ARHGEF4: variants seen among roughly 807,000 people sequenced by gnomAD.
ARHGEF4 encodes the protein APC-stimulated guanine nucleotide exchange factor 1.
In ARHGEF4, 119 loss-of-function variants were observed where a neutral mutation model predicts 162.0. That is an observed-to-expected ratio of 0.73 (90% confidence interval 0.63 to 0.86). The LOEUF (loss-of-function observed/expected upper bound fraction) is 0.86, where lower values mean the gene tolerates loss of function less well. Ranked by LOEUF, ARHGEF4 falls within the 40% of genes least tolerant of loss-of-function variation. The probability of loss-of-function intolerance (pLI) is 0.00; values close to 1 mark genes in which losing one functional copy is unlikely to be tolerated. For synonymous variants in ARHGEF4, 1,014 were observed against 979.9 expected (o/e 1.03, Z -0.65); for missense variants, 2,488 against 2,456.0 (o/e 1.01, Z -0.28).
Position 130,915,412 on chromosome 2 carries a change from A to G in ARHGEF4, c.1466A>G (p.Gln489Arg). ...APRAADERET[Q>R]KHLWGISVQA... Reference sequence around the variant, plus strand: ...AGAGCTGCTGATGAGAGAGAGACACAGAAGCACCTCTGGGGCATTTCTGTC... The same window carrying G: ...AGAGCTGCTGATGAGAGAGAGACACGGAAGCACCTCTGGGGCATTTCTGTC... Residue 489 changes from glutamine to arginine, a missense_variant, in exon 2 of 14, where the codon CAG becomes CGG. Around this residue, in one of 6 missense-constraint regions of ARHGEF4, gnomAD observed 1,642 missense variants for 1,481.5 expected, o/e 1.11. Coordinates refer to ENST00000409359, the MANE Select transcript of ARHGEF4 (RefSeq NM_001367493.1). 1 of 1,550,644 alleles carries G rather than the reference A, an allele frequency of 6.4e-7. No homozygotes were observed. Among genetic ancestry groups the G allele is most frequent in the Non-Finnish European group, 8.7e-7 (1 of 1,147,016 alleles).
chr2:130,940,979 A>G (rs1043661993), intron 3 of ARHGEF4, among the ~76,000 whole-genome samples: 8 of 152,118 alleles, frequency 5.3e-5, no homozygotes, highest in Admixed American at 3.3e-4. Context: ...TTCCATGCCA[A>G]TAGATCTTTA....
chr2:131,008,169 A>T (rs1688246422), intron 4 of ARHGEF4, among the ~76,000 whole-genome samples: 2 of 151,956 alleles, frequency 1.3e-5, no homozygotes, highest in African/African-American at 4.8e-5. Flanking sequence ...ATGTACCTTA[A>T]TTTATTTTAG....
intron 5 of ARHGEF4, among the ~76,000 whole-genome samples, chr2:131,034,570 T>A (rs1385772565): frequency 6.6e-6 from 1 of 152,210 alleles, no homozygotes; most frequent in East Asian, 1.9e-4. Context: ...GCAGAATCCC[T>A]AACCTTTCAG....
At chr2:131,039,979 G>A in intron 6 of ARHGEF4, 37 bp from the exon 7 acceptor site, 1 of 1,545,202 alleles carries the variant, frequency 6.5e-7, no homozygotes, top group Non-Finnish European at 8.7e-7. Context: ...TTGCTCCGAG[G>A]GATGCGGGGC....
At chr2:131,043,700 G>A (rs541615345) in intron 11 of ARHGEF4, 117 bp downstream of exon 11, 6 of 1,459,870 alleles carry the variant, frequency 4.1e-6, no homozygotes, top group East Asian at 4.6e-5. Context: ...CGGGGAGCCT[G>A]GCCAGACCCT....
chr2:131,043,444 C>G lies in ARHGEF4; in HGVS notation c.5026-8C>G, dbSNP rs753350952. ...CGAGGCTCATGGTTCTCCTTGGGAT[C>G]TTCCCAGGGAGAAGATCTCTTGGTC... is the stretch of plus-strand genomic sequence containing the variant. On this transcript the variant is annotated splice_polypyrimidine_tract_variant and splice_region_variant and intron_variant, in intron 10 of 13. Coordinates refer to ENST00000409359, the MANE Select transcript of ARHGEF4 (RefSeq NM_001367493.1). The G allele has an allele frequency of 6.2e-7, 1 of 1,613,786 alleles. No individual in the cohort carries two copies. Among genetic ancestry groups the G allele is most frequent in the Non-Finnish European group, 8.5e-7 (1 of 1,179,952 alleles).
intron 4 of ARHGEF4, among the ~76,000 whole-genome samples, chr2:130,959,426 G>A (rs999960306): frequency 1.3e-5 from 2 of 152,162 alleles, no homozygotes; most frequent in African/African-American, 2.4e-5. Context: ...CATGAGTGGC[G>A]AGCACTGGAA....
At chr2:130,872,892 T>C (rs1427713393) in intron 1 of ARHGEF4, among the ~76,000 whole-genome samples, 1 of 152,176 alleles carries the variant, frequency 6.6e-6, no homozygotes, top group Non-Finnish European at 1.5e-5. Context: ...GAGCCCTGCC[T>C]GCAGCTGGCC....
rs534620505 is a variant in ARHGEF4 at position 130,838,624 on chromosome 2, AGAAG to A, written c.39+1648_39+1651del. 1.9e-3 allele frequency among the ~76,000 whole-genome samples: 285 copies of A among 152,020 alleles called. 2 individuals are homozygous for A. Among genetic ancestry groups the A allele is most frequent in the South Asian group, 7.1e-3 (34 of 4,816 alleles). ...CCGTCTCAAAAAAAAGAAAAAGAAA[AGAAG>A]GAAGGAAGGAAGGAAAGGAAGGAAG... On this transcript the variant is annotated intron_variant, in intron 1 of 13. Transcript: ENST00000409359.
chr2:130,883,663 C>G (rs1679335366), intron 1 of ARHGEF4, among the ~76,000 whole-genome samples: 1 of 152,136 alleles, frequency 6.6e-6, no homozygotes, highest in Non-Finnish European at 1.5e-5. Flanking sequence ...AGGGCCCACG[C>G]ATGTCTGCAG....
At chr2:130,876,575 G>A (rs984998408) in intron 1 of ARHGEF4, among the ~76,000 whole-genome samples, 2 of 152,096 alleles carry the variant, frequency 1.3e-5, no homozygotes, top group Non-Finnish European at 2.9e-5. Flanking sequence ...TGTATTTTTA[G>A]TAGAGACGGG....
rs866542185 is a variant in ARHGEF4 at position 130,861,053 on chromosome 2, G to C, written c.39+24061G>C. Among the ~76,000 whole-genome samples, 636 of 90,128 alleles carry C rather than the reference G, an allele frequency of 7.1e-3. 47 individuals are homozygous for C. The highest frequency in any genetic ancestry group is 0.035 in the African/African-American group (584 of 16,776). 59.1% of individuals were successfully genotyped at this position (90,128 alleles called of 152,430 possible). On this transcript the variant is annotated intron_variant, in intron 1 of 13. Transcript: ENST00000409359. ...AAAAAAGCATTAAAAAGATTAAACT[G>C]TCACACTAGAACATATTCACTAAAT... is the stretch of plus-strand genomic sequence containing the variant.
In ARHGEF4 at chr2:130,915,306, G is replaced by A. The variant is rs779418301; in HGVS notation, c.1360G>A (p.Val454Met). ...SELVKLSAEE[V>M]PEPAECKSEQ... ...GTTAGTGAAGCTCAGTGCAGAGGAA[G>A]TGCCTGAGCCCGCTGAGTGCAAGTC... Residue 454 changes from valine to methionine, a missense_variant, in exon 2 of 14, where the codon GTG (valine) becomes ATG (methionine). Physicochemically the swap from Val to Met is conservative, Grantham distance 21 (BLOSUM62 1). Transcript: ENST00000409359. 1.3e-6 allele frequency: 2 copies of A among 1,550,660 alleles called. No individual in the cohort carries two copies. Among genetic ancestry groups the A allele is most frequent in the South Asian group, 1.2e-5 (1 of 84,064 alleles).
At chr2:130,852,011 C>T (rs186294004) in intron 1 of ARHGEF4, among the ~76,000 whole-genome samples, 2 of 152,368 alleles carry the variant, frequency 1.3e-5, no homozygotes, top group Admixed American at 6.5e-5. Flanking sequence ...GCACAGGGCA[C>T]GTGGCAGCAC....
At chr2:130,854,244 G>A (rs552867387) in intron 1 of ARHGEF4, among the ~76,000 whole-genome samples, 1 of 152,306 alleles carries the variant, frequency 6.6e-6, no homozygotes, top group Non-Finnish European at 1.5e-5. Context: ...TGGTGCTTGG[G>A]GATCAGCAGT....
chr2:130,948,841 C>T (rs1683780542), intron 4 of ARHGEF4, among the ~76,000 whole-genome samples: 1 of 152,174 alleles, frequency 6.6e-6, no homozygotes, highest in Non-Finnish European at 1.5e-5. Flanking sequence ...GTGAAAGCTC[C>T]TGTTTTCCTA....
intron 4 of ARHGEF4, among the ~76,000 whole-genome samples, chr2:130,947,755 C>A (rs888356421): frequency 6.6e-6 from 1 of 152,202 alleles, no homozygotes; most frequent in Admixed American, 6.5e-5. Flanking sequence ...ACCTTCCTCA[C>A]ACCCAACCCA....
intron 1 of ARHGEF4, among the ~76,000 whole-genome samples, chr2:130,856,926 T>G (rs912315979): frequency 6.6e-6 from 1 of 152,036 alleles, no homozygotes; most frequent in Non-Finnish European, 1.5e-5. Flanking sequence ...AATGGGAAAT[T>G]TAAAAGTTAA....
intron 1 of ARHGEF4, among the ~76,000 whole-genome samples, chr2:130,844,150 A>C (rs1272214327): frequency 6.6e-6 from 1 of 152,234 alleles, no homozygotes; most frequent in East Asian, 1.9e-4. Flanking sequence ...CGCTGAGCGC[A>C]ACTAGCTCCC....
Sources: allele counts gnomAD v4.1 joint callset (sites outside exome capture counted in the v4.1 genomes callset), GRCh38; gene constraint gnomAD v4.1.1; regional missense constraint gnomAD v4.1.1; transcripts MANE v1.5; gene names NCBI Gene and HGNC (gene_info 2026-07-23, HGNC 2026-07-21).